The following GALNT10 variants were observed in gnomAD, a reference collection of about 807,000 sequenced individuals.
The protein encoded by GALNT10 is polypeptide N-acetylgalactosaminyltransferase 10.
Under a neutral mutation model 75.0 loss-of-function variants are expected in GALNT10, and 41 were observed. The observed-to-expected ratio is 0.55, with a 90% CI of 0.43 to 0.71. GALNT10 has a LOEUF of 0.71. Ranked by LOEUF, GALNT10 falls within the 30% of genes least tolerant of loss-of-function variation. The probability of loss-of-function intolerance (pLI) is 0.00; values close to 1 mark genes in which losing one functional copy is unlikely to be tolerated. For missense variants in GALNT10, 727 were observed against 818.5 expected (o/e 0.89, Z 1.36); for synonymous variants, 302 against 313.0 (o/e 0.96, Z 0.37).
chr5:154,367,808 A>G (rs1375683656), intron 4 of GALNT10, among the ~76,000 whole-genome samples: 1 of 151,366 alleles, frequency 6.6e-6, no homozygotes, highest in Admixed American at 6.6e-5. Context: ...CAGTGAGCCG[A>G]GATCGCGCCC....
intron 1 of GALNT10, among the ~76,000 whole-genome samples, chr5:154,239,352 G>A (rs900209107): frequency 6.6e-6 from 1 of 152,174 alleles, no homozygotes; most frequent in Non-Finnish European, 1.5e-5. Flanking sequence ...CAACCCCCAG[G>A]CCACGGACTA....
At chr5:154,380,338 A>G in intron 5 of GALNT10, 110 bp from the exon 6 acceptor site, 1 of 866,346 alleles carries the variant, frequency 1.2e-6, no homozygotes, top group East Asian at 2.5e-5. Context: ...TGGATTGTCA[A>G]ACTGAGGGTT....
intron 3 of GALNT10, among the ~76,000 whole-genome samples, chr5:154,302,165 C>T (rs1222406608): frequency 2.0e-5 from 3 of 152,254 alleles, no homozygotes; most frequent in African/African-American, 4.8e-5. Flanking sequence ...AACAACTTCT[C>T]CAGCAGGAGC....
intron 8 of GALNT10, among the ~76,000 whole-genome samples, chr5:154,408,719 T>G (rs995473100): frequency 6.6e-6 from 1 of 152,066 alleles, no homozygotes; most frequent in Non-Finnish European, 1.5e-5. Context: ...TATTAGAAAT[T>G]CCAGCTGCTG....
chr5:154,344,205 C>CTT (rs1561666798), intron 4 of GALNT10, among the ~76,000 whole-genome samples: 3 of 99,432 alleles, frequency 3.0e-5, no homozygotes, highest in African/African-American at 5.8e-5. Context: ...TTCTTTCTTT[C>CTT]TTTCTTTTTT....
intron 1 of GALNT10, among the ~76,000 whole-genome samples, chr5:154,207,853 A>G (rs932570621): frequency 6.6e-6 from 1 of 152,092 alleles, no homozygotes; most frequent in Non-Finnish European, 1.5e-5. Context: ...CATGAGCTAC[A>G]CTCCATCCTC....
At chr5:154,357,606 A>C (rs936420548) in intron 4 of GALNT10, among the ~76,000 whole-genome samples, 3 of 152,130 alleles carry the variant, frequency 2.0e-5, no homozygotes, top group Admixed American at 6.5e-5. Context: ...TTAAAATCTG[A>C]TTGAATTGCC....
Position 154,299,831 on chromosome 5 carries a change from ATTTTT to A in GALNT10, c.401+1769_401+1773del, listed in dbSNP as rs4032070. 2.3e-5 allele frequency among the ~76,000 whole-genome samples: 3 copies of A among 130,430 alleles called. No individual in the cohort carries two copies. In the East Asian group the frequency reaches 7.2e-4, roughly 31 times the overall value. The allele number at this position is 130,430 out of a possible 152,430, so 85.6% of individuals were successfully genotyped here. The stretch of plus-strand genomic sequence containing the variant: ...CATGGTTTTCACTGTCAAATCCCAG[ATTTTT>A]TTTTTTTTTTTTTTTTGAGACAGGG... On this transcript the variant is annotated intron_variant, in intron 3 of 11. Transcript: ENST00000297107.
intron 3 of GALNT10, among the ~76,000 whole-genome samples, chr5:154,306,317 T>TACA (rs1306688439): frequency 6.6e-6 from 1 of 152,184 alleles, no homozygotes; most frequent in Non-Finnish European, 1.5e-5. Flanking sequence ...ATTCAAGTGA[T>TACA]ACAAAGTATC....
chr5:154,256,389 A>AGATG (rs1215943188), intron 1 of GALNT10, among the ~76,000 whole-genome samples: 1 of 150,972 alleles, frequency 6.6e-6, no homozygotes, highest in Non-Finnish European at 1.5e-5. Context: ...GGTCCCTTAT[A>AGATG]GATGGATGAC....
intron 10 of GALNT10, among the ~76,000 whole-genome samples, chr5:154,415,442 A>G (rs1346033968): frequency 1.3e-5 from 2 of 151,844 alleles, no homozygotes; most frequent in African/African-American, 2.4e-5. Flanking sequence ...GGCTCAAGTG[A>G]TTCTCATTGC....
At chr5:154,404,798 C>CA (rs568079708) in intron 8 of GALNT10, among the ~76,000 whole-genome samples, 288 of 152,226 alleles carry the variant, frequency 1.9e-3, no homozygotes, top group Middle Eastern at 0.014. Context: ...TCATAAATGT[C>CA]AGTGTCTTTC....
chr5:154,399,076 G>A (rs1756106159), intron 7 of GALNT10, among the ~76,000 whole-genome samples: 1 of 152,194 alleles, frequency 6.6e-6, no homozygotes, highest in Admixed American at 6.5e-5. Flanking sequence ...CATCACAGTT[G>A]AGGAGAGTGA....
At chr5:154,415,449 T>C (rs1400265769) in intron 10 of GALNT10, among the ~76,000 whole-genome samples, 7 of 152,118 alleles carry the variant, frequency 4.6e-5, no homozygotes, top group Non-Finnish European at 1.5e-5. Context: ...GTGATTCTCA[T>C]TGCCTCAGCC....
intron 3 of GALNT10, among the ~76,000 whole-genome samples, chr5:154,306,744 A>AC (rs1337602447): frequency 2.0e-5 from 3 of 152,098 alleles, no homozygotes; most frequent in African/African-American, 4.8e-5. Context: ...AACAACAACA[A>AC]AAAAAACTTA....
At chr5:154,307,513 G>A (rs34860170) in intron 3 of GALNT10, among the ~76,000 whole-genome samples, 65,430 of 151,426 alleles carry the variant, frequency 0.43, 14,811 homozygotes, top group African/African-American at 0.52. Context: ...CCAGCTACTC[G>A]GGAGGCTGAG....
intron 1 of GALNT10, 91 bp downstream of exon 1, chr5:154,191,116 C>A: frequency 1.1e-6 from 1 of 876,944 alleles, no homozygotes; most frequent in Non-Finnish European, 1.6e-6. Flanking sequence ...TGCTGTCTGC[C>A]TCCTCAGAGT....
chr5:154,321,134 T>A (rs141174785), intron 3 of GALNT10, among the ~76,000 whole-genome samples: 1 of 152,174 alleles, frequency 6.6e-6, no homozygotes, highest in South Asian at 2.1e-4. Context: ...CTTGATCACA[T>A]CTCTATCTAA....
chr5:154,309,750 G>A (rs373257999), intron 3 of GALNT10, among the ~76,000 whole-genome samples: 3 of 152,160 alleles, frequency 2.0e-5, no homozygotes, highest in East Asian at 3.9e-4. Context: ...GCAATTTTGG[G>A]GAAAATCACG....
Sources: gnomAD v4.1 joint callset for allele counts (sites outside exome capture counted in the v4.1 genomes callset) on GRCh38, gnomAD v4.1.1 for gene constraint, MANE v1.5 for transcripts, NCBI Gene and HGNC (gene_info 2026-07-23, HGNC 2026-07-21) for gene names.